SCARB1: variants seen among roughly 807,000 people sequenced by gnomAD.
SCARB1 encodes scavenger receptor class B member 1, also known as CD36 and LIMPII analogous 1.
In SCARB1, 30 loss-of-function variants were observed where a neutral mutation model predicts 57.2. The observed-to-expected ratio is 0.52, with a 90% CI of 0.39 to 0.71. The LOEUF (loss-of-function observed/expected upper bound fraction) is 0.71. SCARB1 is among the 30% of genes least tolerant of loss of function. The pLI is 0.00. For missense variants in SCARB1, 543 were observed against 671.2 expected (o/e 0.81, Z 2.11); for synonymous variants, 249 against 268.3 (o/e 0.93, Z 0.70).
chr12:124,852,133 T>C (rs1438766528), intron 1 of SCARB1, among the ~76,000 whole-genome samples: 1 of 151,934 alleles, frequency 6.6e-6, no homozygotes, highest in African/African-American at 2.4e-5. Context: ...CCATGACAGG[T>C]GCTGTCTCTT....
At chr12:124,850,456 GA>G (rs1292868426) in intron 1 of SCARB1, among the ~76,000 whole-genome samples, 1 of 152,132 alleles carries the variant, frequency 6.6e-6, no homozygotes, top group South Asian at 2.1e-4. Flanking sequence ...CGGATCACCT[GA>G]GGTCAGGAGT....
chr12:124,786,272 G>A (rs1594186334), intron 11 of SCARB1, 85 bp downstream of exon 11: 2 of 1,601,550 alleles, frequency 1.2e-6, no homozygotes, highest in Non-Finnish European at 1.7e-6. Context: ...GCTGCGGTTG[G>A]CCAGAGGGTC....
In SCARB1 at chr12:124,810,205, A is replaced by G. The variant is rs142176147; in HGVS notation, c.811T>C (p.Ser271Pro). The G allele has an allele frequency of 4.6e-5, 74 of 1,613,696 alleles. No individual in the cohort carries two copies. In the African/African-American group the frequency reaches 8.7e-4, roughly 19 times the overall value. Reference protein sequence around the residue: ...MWPPFMTPESSLEFYSPEACR... With the variant: ...MWPPFMTPESPLEFYSPEACR... The stretch of plus-strand genomic sequence containing the variant: ...GCCTCCGGGCTGTAGAACTCCAGCG[A>G]GGACTCAGGAGTCATGAAGGGCGGC... The change falls in exon 6 of 13, where the codon TCG (serine) becomes CCG (proline). Residue 271 changes from serine (S) to proline (P), a missense_variant. Transcript: ENST00000261693. The surrounding 1 kb of genome is among the most constrained non-coding windows in gnomAD (Gnocchi z 4.0).
At chr12:124,805,136 C>G (rs572300845) in intron 7 of SCARB1, among the ~76,000 whole-genome samples, 2 of 151,190 alleles carry the variant, frequency 1.3e-5, no homozygotes, top group African/African-American at 4.9e-5. Context: ...GACAAGAAGA[C>G]CAAGACAAGA....
At position 124,812,375 on chromosome 12, in the gene SCARB1, C is replaced by T. The variant is rs769326927; in HGVS notation, c.631-410G>A. ...ACACGCCTTTCACCGGGCTCTCTGCCGCTGCTATAGCAGCCAAGGAGGTAT... is the reference window on the plus strand; with the variant it reads ...ACACGCCTTTCACCGGGCTCTCTGCTGCTGCTATAGCAGCCAAGGAGGTAT... On this transcript the variant is annotated intron_variant, in intron 4 of 12. Transcript: ENST00000261693. This position sits in a 1 kb window ranked among gnomAD's most constrained non-coding sequence, Gnocchi z 4.3. Among the ~76,000 whole-genome samples the T allele has an allele frequency of 1.7e-4, 26 of 152,192 alleles. No homozygotes were observed. Among genetic ancestry groups the T allele is most frequent in the Non-Finnish European group, 2.6e-4 (18 of 68,030 alleles).
chr12:124,807,059 G>A lies in SCARB1; in HGVS notation c.1009+702C>T, dbSNP rs1418063336. On this transcript the variant is annotated intron_variant, in intron 7 of 12. Coordinates refer to ENST00000261693, the MANE Select transcript of SCARB1 (RefSeq NM_005505.5). This position sits in a 1 kb window ranked among gnomAD's most constrained non-coding sequence, Gnocchi z 5.3. The stretch of plus-strand genomic sequence containing the variant: ...TACCAAAAATACAAAAAATTAGCCA[G>A]GTGTGGTGGTGCACGCCTGTGGTCC... 6.6e-6 allele frequency among the ~76,000 whole-genome samples: 1 copy of A among 152,152 alleles called. No individual in the cohort carries two copies. The highest frequency in any genetic ancestry group is 1.5e-5 in the Non-Finnish European group (1 of 68,030).
intron 1 of SCARB1, among the ~76,000 whole-genome samples, chr12:124,861,000 C>T (rs1426505189): frequency 6.6e-6 from 1 of 152,076 alleles, no homozygotes; most frequent in African/African-American, 2.4e-5. Context: ...AGAAAAGGGT[C>T]TAGAAAGATC....
At chr12:124,838,372 A>G (rs1201555819) in intron 1 of SCARB1, among the ~76,000 whole-genome samples, 1 of 152,202 alleles carries the variant, frequency 6.6e-6, no homozygotes, top group Non-Finnish European at 1.5e-5. Context: ...TGCAGAGAGA[A>G]TGAGATGACC....
At chr12:124,815,852 A>G (rs1950693104) in intron 2 of SCARB1, among the ~76,000 whole-genome samples, 3 of 152,074 alleles carry the variant, frequency 2.0e-5, no homozygotes, top group African/African-American at 7.2e-5. Context: ...GGTGAAAGAG[A>G]GACTCCGTCT....
rs369627782 is a variant in SCARB1 at position 124,843,368 on chromosome 12, C to T, written c.126+20227G>A. Among the ~76,000 whole-genome samples the T allele has an allele frequency of 3.3e-5, 5 of 152,090 alleles. No individual in the cohort carries two copies. The East Asian group carries it at 7.8e-4, about 24-fold the overall frequency. On this transcript the variant is annotated intron_variant, in intron 1 of 12. Transcript: ENST00000261693. Reference sequence around the variant, plus strand: ...AGGCGATCCTCCCACCTCTGCCTCGCTAAGTGCTGGGATTACAGGCATGAG... The same window carrying T: ...AGGCGATCCTCCCACCTCTGCCTCGTTAAGTGCTGGGATTACAGGCATGAG...
At chr12:124,827,567 G>A (rs745921505) in intron 1 of SCARB1, among the ~76,000 whole-genome samples, 6 of 152,130 alleles carry the variant, frequency 3.9e-5, no homozygotes, top group Non-Finnish European at 1.5e-5. Context: ...CTGGGGAGAA[G>A]CTGGGAAGGA....
rs1041326911 is a variant in SCARB1, at chr12:124,810,627, G to A, written c.727-338C>T. Among the ~76,000 whole-genome samples, 4 of 152,176 alleles carry A rather than the reference G, an allele frequency of 2.6e-5. No homozygotes were observed. Among genetic ancestry groups the A allele is most frequent in the African/African-American group, 9.7e-5 (4 of 41,442 alleles). On this transcript the variant is annotated intron_variant, in intron 5 of 12. Transcript: ENST00000261693. This position sits in a 1 kb window ranked among gnomAD's most constrained non-coding sequence, Gnocchi z 4.0. ...CGCGGCTGTGCTCAGCCCTCAGAGC[G>A]GAAGTCAACAGGCACCTCCTGAAAA...
chr12:124,801,343 A>T (rs978633891), intron 7 of SCARB1, among the ~76,000 whole-genome samples: 1 of 152,334 alleles, frequency 6.6e-6, no homozygotes, highest in South Asian at 2.1e-4. Context: ...TTGGGGTGAC[A>T]GAAATGTTCT....
intron 11 of SCARB1, 125 bp downstream of exon 11, chr12:124,786,232 C>A (rs774312862): frequency 6.3e-7 from 1 of 1,598,602 alleles, no homozygotes; most frequent in Non-Finnish European, 8.5e-7. Context: ...CCGGCAGAGA[C>A]GCAGGACTGC....
In SCARB1 at chr12:124,822,787, C is replaced by T. The variant is rs1950997098; in HGVS notation, c.127-5080G>A. On this transcript the variant is annotated intron_variant, in intron 1 of 12. Transcript: ENST00000261693. This position sits in a 1 kb window ranked among gnomAD's most constrained non-coding sequence, Gnocchi z 5.0. ...CCTGTGGTCCCAGCTACTCAGGAGA[C>T]TGAGCTGGGAGGATCACTTGAGCCC... 6.6e-6 allele frequency among the ~76,000 whole-genome samples: 1 copy of T among 152,090 alleles called. No individual in the cohort carries two copies. The highest frequency in any genetic ancestry group is 6.6e-5 in the Admixed American group (1 of 15,266).
intron 1 of SCARB1, among the ~76,000 whole-genome samples, chr12:124,820,711 C>T (rs1161477067): frequency 6.6e-6 from 1 of 152,190 alleles, no homozygotes; most frequent in Non-Finnish European, 1.5e-5. Flanking sequence ...ATAGAAAACA[C>T]AGCATCAAAA....
At chr12:124,805,322 T>G (rs897468231) in intron 7 of SCARB1, among the ~76,000 whole-genome samples, 2 of 152,142 alleles carry the variant, frequency 1.3e-5, no homozygotes, top group African/African-American at 4.8e-5. Flanking sequence ...AAGCAACCCA[T>G]GCAAACCACA....
rs1007764189 is a variant in SCARB1, at chr12:124,783,243, G to A, written c.1402-432C>T. 37 of 228,718 alleles carry A rather than the reference G, an allele frequency of 1.6e-4. 1 individual carries two copies. The highest frequency in any genetic ancestry group is 1.0e-3 in the Admixed American group (20 of 19,068). 14.2% of individuals were successfully genotyped at this position (228,718 alleles called of 1,614,324 possible). A position where few individuals can be genotyped will look rare whatever the true frequency, so the allele number is the denominator to read the frequency against. On this transcript the variant is annotated intron_variant, in intron 11 of 12. Coordinates refer to ENST00000261693, the MANE Select transcript of SCARB1 (RefSeq NM_005505.5). ...ACTGCTTTTTTTAATTTTTGAGACAGGATCTCACTCTGTTGTCCAGGCTGG... is the reference window on the plus strand; with the variant it reads ...ACTGCTTTTTTTAATTTTTGAGACAAGATCTCACTCTGTTGTCCAGGCTGG...
chr12:124,863,690 C>A lies in SCARB1; in HGVS notation c.31G>T (p.Ala11Ser), dbSNP rs1395017871. The change falls in exon 1 of 13, where the codon GCC becomes TCC. Residue 11 changes from alanine (A) to serine (S), a missense_variant. By Grantham distance (99) the Ala-to-Ser change is moderately conservative (BLOSUM62 1). Transcript: ENST00000261693. MGCSAKARWAAGALGVAGLLC... is the reference protein window; with the variant it reads MGCSAKARWASGALGVAGLLC... ...AGCCCCGCGACGCCCAGCGCCCCGG[C>A]AGCCCAGCGCGCTTTGGCGGAGCAG... 1.9e-6 allele frequency: 3 copies of A among 1,548,130 alleles called. No homozygotes were observed. The highest frequency in any genetic ancestry group is 8.7e-7 in the Non-Finnish European group (1 of 1,147,570).
Sources: allele counts gnomAD v4.1 joint callset (sites outside exome capture counted in the v4.1 genomes callset), GRCh38; gene constraint gnomAD v4.1.1; non-coding constraint Gnocchi (gnomAD v3.1); transcripts MANE v1.5; gene names NCBI Gene and HGNC (gene_info 2026-07-23, HGNC 2026-07-21).